The following UBE2E1 variants were observed in gnomAD, a reference collection of about 807,000 sequenced individuals.
The protein encoded by UBE2E1 is ubiquitin-conjugating enzyme E2 E1.
In UBE2E1, 6 loss-of-function variants were observed where a neutral mutation model predicts 21.4. The ratio of observed to expected loss-of-function variants is 0.28; its 90% CI spans 0.15 to 0.55. UBE2E1 has a LOEUF of 0.55. UBE2E1 is among the 20% of genes least tolerant of loss of function. The pLI is 0.93. For synonymous variants in UBE2E1, 87 were observed against 82.7 expected, an observed-to-expected ratio of 1.05 and a Z score of -0.28; for missense variants, 142 against 236.5, an observed-to-expected ratio of 0.60 and a Z score of 2.62.
Position 23,841,930 on chromosome 3 carries a change from A to G in UBE2E1, c.203+30420A>G, listed in dbSNP as rs570067596. On this transcript the variant is annotated intron_variant, in intron 3 of 5. Transcript: ENST00000306627. Reference sequence around the variant, plus strand: ...ATTAGGAGAGAGATGAAGGTATTCTAGGTGAGTGTTGAGTGGCTGACTGCT... The same window carrying G: ...ATTAGGAGAGAGATGAAGGTATTCTGGGTGAGTGTTGAGTGGCTGACTGCT... 2.6e-5 allele frequency among the ~76,000 whole-genome samples: 4 copies of G among 152,274 alleles called. No individual in the cohort carries two copies. In the East Asian group the frequency reaches 7.7e-4, roughly 29 times the overall value.
rs913106007 is a variant in UBE2E1 at position 23,870,265 on chromosome 3, G to A, written c.204-17302G>A. ...CAGCTGCAGGATGAGATGGGGGGCC[G>A]GGGGGACCATAGCTCCTTTTTTTAA... On this transcript the variant is annotated intron_variant, in intron 3 of 5. Transcript: ENST00000306627. This position sits in a 1 kb window ranked among gnomAD's most constrained non-coding sequence, Gnocchi z 4.2. Among the ~76,000 whole-genome samples, 6 of 152,064 alleles carry A rather than the reference G, an allele frequency of 3.9e-5. No homozygotes were observed. The highest frequency in any genetic ancestry group is 1.2e-4 in the African/African-American group (5 of 41,378).
chr3:23,818,629 G>A (rs1352112716), intron 3 of UBE2E1, among the ~76,000 whole-genome samples: 2 of 152,178 alleles, frequency 1.3e-5, no homozygotes, highest in Admixed American at 6.5e-5. Context: ...TTGAAAGTGA[G>A]CATTTTGATG....
chr3:23,826,439 A>G (rs1699761874), intron 3 of UBE2E1, among the ~76,000 whole-genome samples: 1 of 152,234 alleles, frequency 6.6e-6, no homozygotes, highest in Non-Finnish European at 1.5e-5. Flanking sequence ...TGAGTCTGGC[A>G]GTAGGGAAGC....
At chr3:23,811,905 G>A (rs1699401345) in intron 3 of UBE2E1, among the ~76,000 whole-genome samples, 1 of 152,154 alleles carries the variant, frequency 6.6e-6, no homozygotes, top group South Asian at 2.1e-4. Context: ...GCTAAGCTAA[G>A]AGAACATTAG....
At chr3:23,841,308 C>A (rs1296836686) in intron 3 of UBE2E1, among the ~76,000 whole-genome samples, 1 of 151,406 alleles carries the variant, frequency 6.6e-6, no homozygotes, top group Non-Finnish European at 1.5e-5. Context: ...GAGACTGATA[C>A]TGTTTCTGGC....
chr3:23,843,565 A>C (rs758869360), intron 3 of UBE2E1, among the ~76,000 whole-genome samples: 4 of 152,130 alleles, frequency 2.6e-5, no homozygotes, highest in Non-Finnish European at 5.9e-5. Flanking sequence ...ATCTATAATA[A>C]TTTGCCTACT....
intron 3 of UBE2E1, among the ~76,000 whole-genome samples, chr3:23,815,959 G>T (rs772506130): frequency 1.2e-4 from 18 of 152,254 alleles, no homozygotes; most frequent in South Asian, 2.1e-4. Context: ...GTTTCAGCAC[G>T]ATCAAAACAG....
At chr3:23,811,156 T>A (rs1034654693) in intron 2 of UBE2E1, 1 of 436,308 alleles carries the variant, frequency 2.3e-6, no homozygotes, top group Non-Finnish European at 4.1e-6. Context: ...GGTCGGCAAG[T>A]GAGAAACTTT....
chr3:23,846,957 T>TGC (rs780578030), intron 3 of UBE2E1, among the ~76,000 whole-genome samples: 1 of 152,148 alleles, frequency 6.6e-6, no homozygotes, highest in African/African-American at 2.4e-5. Flanking sequence ...AGGTAGGCTG[T>TGC]GCGAGGTCAA....
At chr3:23,817,755 A>G (rs986169032) in intron 3 of UBE2E1, among the ~76,000 whole-genome samples, 1 of 152,182 alleles carries the variant, frequency 6.6e-6, no homozygotes, top group African/African-American at 2.4e-5. Context: ...AAAGGGCACT[A>G]TTGGGCAGAA....
intron 3 of UBE2E1, among the ~76,000 whole-genome samples, chr3:23,886,349 C>T (rs1701183905): frequency 1.3e-5 from 2 of 152,168 alleles, no homozygotes; most frequent in African/African-American, 4.8e-5. Flanking sequence ...TTCTTTCTCT[C>T]ACTTAATTCT....
At chr3:23,835,069 T>C (rs1699949474) in intron 3 of UBE2E1, among the ~76,000 whole-genome samples, 1 of 152,238 alleles carries the variant, frequency 6.6e-6, no homozygotes, top group African/African-American at 2.4e-5. Context: ...AGGTTTTACA[T>C]ATTGAGTTAA....
At position 23,868,019 on chromosome 3, in the gene UBE2E1, A is replaced by T. The variant is rs534045889; in HGVS notation, c.204-19548A>T. ...TTTCCTATGAATGAGTGTTCTAGAT[A>T]TTTTTTACCCAAAGATGTAGCATAT... On this transcript the variant is annotated intron_variant, in intron 3 of 5. Coordinates refer to ENST00000306627, the MANE Select transcript of UBE2E1 (RefSeq NM_003341.5). Among the ~76,000 whole-genome samples the T allele has an allele frequency of 7.9e-5, 12 of 152,308 alleles. 1 individual carries two copies. The South Asian group carries it at 2.5e-3, about 32-fold the overall frequency.
chr3:23,882,650 C>T (rs1295697872), intron 3 of UBE2E1, among the ~76,000 whole-genome samples: 3 of 151,990 alleles, frequency 2.0e-5, no homozygotes, highest in Admixed American at 2.0e-4. Flanking sequence ...AGGCTCGGGC[C>T]TGGCAGGCTG....
intron 3 of UBE2E1, among the ~76,000 whole-genome samples, chr3:23,864,467 G>A (rs2125315495): frequency 6.6e-6 from 1 of 152,048 alleles, no homozygotes; most frequent in South Asian, 2.1e-4. Flanking sequence ...TCTCCTATTT[G>A]CAGCCTTTCT....
At position 23,810,639 on chromosome 3, in the gene UBE2E1, G is replaced by A. The variant is rs1699367113; in HGVS notation, c.153-821G>A. On this transcript the variant is annotated intron_variant, in intron 2 of 5. Transcript: ENST00000306627. The surrounding 1 kb of genome is among the most constrained non-coding windows in gnomAD (Gnocchi z 5.8). The stretch of plus-strand genomic sequence containing the variant: ...TTGGGGTCTGTGGTGCCCGAGTGGC[G>A]GGCGGGGGTGTTCGCGCCCTGCTTT... The A allele has an allele frequency of 9.6e-7, 1 of 1,040,374 alleles. No homozygotes were observed. The highest frequency in any genetic ancestry group is 1.7e-5 in the South Asian group (1 of 59,120). 64.4% of individuals were successfully genotyped at this position (1,040,374 alleles called of 1,614,324 possible). A position where few individuals can be genotyped will look rare whatever the true frequency, so the allele number is the denominator to read the frequency against.
chr3:23,830,625 A>T (rs1245633503), intron 3 of UBE2E1, among the ~76,000 whole-genome samples: 1 of 152,304 alleles, frequency 6.6e-6, no homozygotes, highest in East Asian at 1.9e-4. Context: ...TGGAGAATCC[A>T]GCCACTGCTT....
At chr3:23,849,529 C>A (rs1267130201) in intron 3 of UBE2E1, among the ~76,000 whole-genome samples, 1 of 152,050 alleles carries the variant, frequency 6.6e-6, no homozygotes, top group Non-Finnish European at 1.5e-5. Flanking sequence ...TCTGACAGGC[C>A]CTAGTGTGTG....
intron 4 of UBE2E1, among the ~76,000 whole-genome samples, chr3:23,888,805 A>G (rs1701265332): frequency 6.6e-6 from 1 of 152,262 alleles, no homozygotes; most frequent in African/African-American, 2.4e-5. Context: ...ACTACCAGCT[A>G]ACACAAGAGG....
Sources: allele counts gnomAD v4.1 joint callset (sites outside exome capture counted in the v4.1 genomes callset), GRCh38; gene constraint gnomAD v4.1.1; non-coding constraint Gnocchi (gnomAD v3.1); transcripts MANE v1.5; gene names NCBI Gene and HGNC (gene_info 2026-07-23, HGNC 2026-07-21).